MET: variants seen among roughly 807,000 people sequenced by gnomAD.
MET encodes the protein hepatocyte growth factor receptor.
In MET, 48 loss-of-function variants were observed where a neutral mutation model predicts 133.1. The observed-to-expected ratio is 0.36, with a 90% confidence interval of 0.29 to 0.46. The LOEUF is 0.46. Among genes scored for constraint, MET ranks in the 20% least tolerant of loss-of-function variants. The pLI, the probability that MET is intolerant of heterozygous loss-of-function variation, is 1.00. For synonymous variants in MET, 628 were observed against 616.5 expected (o/e 1.02, Z -0.28); for missense variants, 1,442 against 1,695.9 (o/e 0.85, Z 2.63).
chr7:116,745,892 A>G (rs1793657049), intron 5 of MET, among the ~76,000 whole-genome samples: 1 of 152,212 alleles, frequency 6.6e-6, no homozygotes, highest in South Asian at 2.1e-4. Flanking sequence ...TGTCTAAAAC[A>G]CCAAAAGCAA....
At chr7:116,790,916 A>G (rs1482388846) in intron 19 of MET, among the ~76,000 whole-genome samples, 1 of 152,096 alleles carries the variant, frequency 6.6e-6, no homozygotes, top group African/African-American at 2.4e-5. Context: ...ATCTCCACTA[A>G]AAATACAAAA....
chr7:116,714,684 G>A (rs1442007237), intron 2 of MET, among the ~76,000 whole-genome samples: 1 of 151,964 alleles, frequency 6.6e-6, no homozygotes, highest in Non-Finnish European at 1.5e-5. Context: ...TTCTCAACAA[G>A]TGAAAACTTA....
intron 2 of MET, among the ~76,000 whole-genome samples, chr7:116,728,000 C>A (rs1191916384): frequency 2.6e-5 from 4 of 152,156 alleles, no homozygotes; most frequent in African/African-American, 9.7e-5. Flanking sequence ...GTCCCTGATG[C>A]CTTGATCCCA....
intron 1 of MET, among the ~76,000 whole-genome samples, chr7:116,676,983 G>A (rs1562871181): frequency 2.8e-5 from 3 of 105,372 alleles, no homozygotes; most frequent in African/African-American, 8.1e-5. Context: ...CCAGAGTGTT[G>A]TTTTGTTTTT....
At chr7:116,769,526 G>C in intron 11 of MET, 119 bp from the exon 12 acceptor site, 1 of 1,248,246 alleles carries the variant, frequency 8.0e-7, no homozygotes, top group South Asian at 1.3e-5. Flanking sequence ...TCATAGAATC[G>C]TGTGCCTTGG....
At chr7:116,709,402 G>T (rs964410497) in intron 2 of MET, among the ~76,000 whole-genome samples, 1 of 152,108 alleles carries the variant, frequency 6.6e-6, no homozygotes, top group Non-Finnish European at 1.5e-5. Context: ...GTGTTCACAC[G>T]ATAAACAGAG....
At chr7:116,745,099 A>G (rs937144514) in intron 5 of MET, among the ~76,000 whole-genome samples, 3 of 152,258 alleles carry the variant, frequency 2.0e-5, no homozygotes, top group Admixed American at 1.3e-4. Context: ...TACAAATTCA[A>G]TGTGCAAAAA....
rs77100113 is a variant in MET, at chr7:116,713,809, G to A, written c.1200+13525G>A. 3.5e-3 allele frequency among the ~76,000 whole-genome samples: 530 copies of A among 152,232 alleles called. 7 individuals carry two copies. Among genetic ancestry groups the A allele is most frequent in the East Asian group, 0.027 (140 of 5,188 alleles). Reference sequence around the variant, plus strand: ...TTGAAGGACTCTTGTTTCATCCATCGTTCATCTCTCCTGGCCCTCTGTGAA... The same window carrying A: ...TTGAAGGACTCTTGTTTCATCCATCATTCATCTCTCCTGGCCCTCTGTGAA... On this transcript the variant is annotated intron_variant, in intron 2 of 20. Transcript: ENST00000397752.
chr7:116,681,133 T>C (rs1194226239), intron 1 of MET, among the ~76,000 whole-genome samples: 3 of 152,106 alleles, frequency 2.0e-5, no homozygotes, highest in African/African-American at 4.8e-5. Context: ...CAGTCCTAAA[T>C]TGGGCCTCTT....
chr7:116,787,386 C>T (rs1795347424), intron 19 of MET, among the ~76,000 whole-genome samples: 2 of 152,130 alleles, frequency 1.3e-5, no homozygotes, highest in African/African-American at 4.8e-5. Context: ...TAACACAATA[C>T]CACAAATTGG....
intron 1 of MET, among the ~76,000 whole-genome samples, chr7:116,679,144 A>G (rs1160984039): frequency 2.0e-5 from 3 of 152,204 alleles, no homozygotes; most frequent in Non-Finnish European, 2.9e-5. Context: ...TATAAATACA[A>G]AGCCCAAATA....
At chr7:116,779,803 GA>G (rs1423935763) in intron 17 of MET, among the ~76,000 whole-genome samples, 1 of 152,046 alleles carries the variant, frequency 6.6e-6, no homozygotes, top group Admixed American at 6.5e-5. Context: ...TTTGGGGGTT[GA>G]AAAATACATT....
intron 19 of MET, among the ~76,000 whole-genome samples, chr7:116,785,907 C>A (rs114707545): frequency 0.025 from 3,748 of 152,338 alleles, 166 homozygotes; most frequent in African/African-American, 0.086. Context: ...GAGCCTTAAA[C>A]ACACTGAGTT....
chr7:116,768,459 C>T (rs1247453898), intron 11 of MET, among the ~76,000 whole-genome samples: 1 of 152,094 alleles, frequency 6.6e-6, no homozygotes, highest in African/African-American at 2.4e-5. Flanking sequence ...GTGTGGCTGA[C>T]CTGGTTCAAT....
intron 2 of MET, among the ~76,000 whole-genome samples, chr7:116,714,567 TG>T (rs1372432962): frequency 6.6e-6 from 1 of 152,220 alleles, no homozygotes; most frequent in Non-Finnish European, 1.5e-5. Flanking sequence ...TCTTATACTT[TG>T]CATCAGTTAG....
rs1306740707 is a variant in MET, at chr7:116,699,362, C to G, written c.278C>G (p.Pro93Arg). 1 of 1,614,028 alleles carries G rather than the reference C, an allele frequency of 6.2e-7. No individual in the cohort carries two copies. The highest frequency in any genetic ancestry group is 1.7e-5 in the Admixed American group (1 of 59,982). ...AAGACTGGGCCTGTGCTGGAACACC[C>G]AGATTGTTTCCCATGTCAGGACTGC... ...EYKTGPVLEH[P>R]DCFPCQDCSS... The change falls in exon 2 of 21, where the codon CCA becomes CGA. Residue 93 changes from proline to arginine, a missense_variant. This residue lies in a region of MET where 762 missense variants were observed against 792.4 expected (regional missense o/e 0.96). Transcript: ENST00000397752.
chr7:116,701,499 T>C (rs1230513660), intron 2 of MET, among the ~76,000 whole-genome samples: 7 of 152,176 alleles, frequency 4.6e-5, no homozygotes, highest in Admixed American at 3.9e-4. Context: ...TAGTTAACTT[T>C]TTATGATGCT....
intron 6 of MET, among the ~76,000 whole-genome samples, 159 bp from the exon 7 acceptor site, chr7:116,757,278 G>A (rs528157054): frequency 1.3e-5 from 2 of 151,986 alleles, no homozygotes; most frequent in African/African-American, 2.4e-5. Context: ...TATAGAAATA[G>A]GATTATATAA....
intron 1 of MET, among the ~76,000 whole-genome samples, chr7:116,680,774 C>T (rs1431333870): frequency 2.0e-5 from 3 of 151,888 alleles, no homozygotes; most frequent in African/African-American, 7.3e-5. Flanking sequence ...AAACCCCCCT[C>T]TTAAAAAAAT....
Sources: allele counts gnomAD v4.1 joint callset (sites outside exome capture counted in the v4.1 genomes callset), GRCh38; gene constraint gnomAD v4.1.1; regional missense constraint gnomAD v4.1.1; transcripts MANE v1.5; gene names NCBI Gene and HGNC (gene_info 2026-07-23, HGNC 2026-07-21).